Variants in KCNIP1 observed in about 807,000 individuals in gnomAD.
KCNIP1 encodes the protein potassium voltage-gated channel interacting protein 1, also known as A-type potassium channel modulatory protein KCNIP1.
KCNIP1 carries 18 observed loss-of-function variants against 33.0 expected under a neutral mutation model. The observed-to-expected ratio is 0.55, with a 90% CI of 0.38 to 0.81. KCNIP1 has a LOEUF of 0.81. Among genes scored for constraint, KCNIP1 ranks in the 30% least tolerant of loss-of-function variants. The pLI is 0.00. For synonymous variants in KCNIP1, 93 were observed against 98.3 expected (o/e 0.95, Z 0.32); for missense variants, 238 against 271.6 (o/e 0.88, Z 0.87).
chr5:170,643,971 G>A (rs1307437216), intron 1 of KCNIP1, among the ~76,000 whole-genome samples: 1 of 152,192 alleles, frequency 6.6e-6, no homozygotes, highest in Non-Finnish European at 1.5e-5. Context: ...TGCTCACTGG[G>A]TGGGTCACTG....
chr5:170,525,037 G>A (rs1755516969), intron 1 of KCNIP1, among the ~76,000 whole-genome samples: 1 of 152,232 alleles, frequency 6.6e-6, no homozygotes, highest in Admixed American at 6.5e-5. Flanking sequence ...GGGGACTTCT[G>A]CACAAGGCCG....
chr5:170,583,529 C>T (rs1317762516), intron 1 of KCNIP1, among the ~76,000 whole-genome samples: 2 of 152,146 alleles, frequency 1.3e-5, no homozygotes, highest in South Asian at 2.1e-4. Flanking sequence ...TCTCTCCTTC[C>T]TCTCCCCTCC....
chr5:170,552,349 A>G (rs1756677350), intron 1 of KCNIP1, among the ~76,000 whole-genome samples: 1 of 152,346 alleles, frequency 6.6e-6, no homozygotes, highest in African/African-American at 2.4e-5. Flanking sequence ...CATGGAATTC[A>G]TGATCCGCTG....
chr5:170,393,279 GT>G (rs1561603116), intron 1 of KCNIP1, among the ~76,000 whole-genome samples: 1 of 152,174 alleles, frequency 6.6e-6, no homozygotes, highest in Non-Finnish European at 1.5e-5. Context: ...GCACCTGCTT[GT>G]TTATTTAAGT....
chr5:170,473,996 A>T lies in KCNIP1; in HGVS notation c.88+120032A>T, dbSNP rs1561641984. Among the ~76,000 whole-genome samples, 5 of 152,204 alleles carry T rather than the reference A, an allele frequency of 3.3e-5. No individual in the cohort carries two copies. The South Asian group carries it at 1.0e-3, about 31-fold the overall frequency. ...GCGTCAGGACACACCACTCCAAAAT[A>T]TGACTGTAGGCGACCAGGAATCTGC... On this transcript the variant is annotated intron_variant, in intron 1 of 7. Coordinates refer to the KCNIP1 transcript ENST00000377360.
chr5:170,605,901 T>C (rs543521191), intron 1 of KCNIP1, among the ~76,000 whole-genome samples: 3 of 151,334 alleles, frequency 2.0e-5, no homozygotes, highest in Non-Finnish European at 2.9e-5. Flanking sequence ...CAGCCTCCCA[T>C]GTAGCTGGGA....
chr5:170,434,415 G>C (rs1353072427), intron 1 of KCNIP1, among the ~76,000 whole-genome samples: 3 of 152,148 alleles, frequency 2.0e-5, no homozygotes, highest in Admixed American at 2.0e-4. Context: ...GGCCTCCTGG[G>C]GTGTTTGCTT....
intron 1 of KCNIP1, among the ~76,000 whole-genome samples, chr5:170,388,023 C>A (rs1409588335): frequency 6.7e-6 from 1 of 149,524 alleles, no homozygotes; most frequent in Non-Finnish European, 1.5e-5. Flanking sequence ...AATCAGCCCC[C>A]CCCAGCGCCC....
At chr5:170,487,370 A>T (rs1757119089) in intron 1 of KCNIP1, among the ~76,000 whole-genome samples, 1 of 152,166 alleles carries the variant, frequency 6.6e-6, no homozygotes. Context: ...GTTTGACCAA[A>T]CAACTGGGTA....
At chr5:170,408,849 T>C (rs1755106590) in intron 1 of KCNIP1, among the ~76,000 whole-genome samples, 1 of 151,996 alleles carries the variant, frequency 6.6e-6, no homozygotes, top group Non-Finnish European at 1.5e-5. Flanking sequence ...GGTGGGTCTT[T>C]TTGCGTGGGT....
chr5:170,409,045 CG>C (rs1258198569), intron 1 of KCNIP1, among the ~76,000 whole-genome samples: 2 of 152,116 alleles, frequency 1.3e-5, no homozygotes, highest in Non-Finnish European at 2.9e-5. Flanking sequence ...AGGGGCAGTA[CG>C]GGGAGAGGCT....
intron 1 of KCNIP1, among the ~76,000 whole-genome samples, chr5:170,415,647 C>T (rs1755307882): frequency 6.6e-6 from 1 of 152,198 alleles, no homozygotes; most frequent in Non-Finnish European, 1.5e-5. Flanking sequence ...ACCCTCCAGG[C>T]TCATGTCTCC....
At chr5:170,689,921 A>AT (rs1274745880) in intron 1 of KCNIP1, among the ~76,000 whole-genome samples, 1 of 152,168 alleles carries the variant, frequency 6.6e-6, no homozygotes, top group African/African-American at 2.4e-5. Context: ...CCCCCCTCTT[A>AT]TTAAACATTT....
At chr5:170,562,406 G>A (rs1757065154) in intron 1 of KCNIP1, among the ~76,000 whole-genome samples, 1 of 152,196 alleles carries the variant, frequency 6.6e-6, no homozygotes, top group Non-Finnish European at 1.5e-5. Flanking sequence ...AGCTCTGTGA[G>A]GGCAAGGGCC....
intron 1 of KCNIP1, among the ~76,000 whole-genome samples, chr5:170,527,012 C>G (rs918441387): frequency 6.6e-6 from 1 of 152,154 alleles, no homozygotes; most frequent in African/African-American, 2.4e-5. Flanking sequence ...TGTGAGCCAC[C>G]GCACCCGGCC....
chr5:170,552,474 G>A (rs989026921), intron 1 of KCNIP1, among the ~76,000 whole-genome samples: 4 of 152,308 alleles, frequency 2.6e-5, no homozygotes, highest in South Asian at 2.1e-4. Context: ...GGAGGGGAGT[G>A]TGGAGGAGTG....
At chr5:170,531,755 G>A (rs1755798032) in intron 1 of KCNIP1, among the ~76,000 whole-genome samples, 1 of 152,136 alleles carries the variant, frequency 6.6e-6, no homozygotes, top group South Asian at 2.1e-4. Context: ...CTGACAATGG[G>A]GGAGCCACTG....
At chr5:170,506,268 G>A (rs1375763175) in intron 1 of KCNIP1, among the ~76,000 whole-genome samples, 1 of 152,086 alleles carries the variant, frequency 6.6e-6, no homozygotes, top group African/African-American at 2.4e-5. Flanking sequence ...TGGGACCTTA[G>A]GAAAGTCCCC....
At chr5:170,389,998 G>A (rs2113358955) in intron 1 of KCNIP1, among the ~76,000 whole-genome samples, 1 of 152,262 alleles carries the variant, frequency 6.6e-6, no homozygotes, top group Non-Finnish European at 1.5e-5. Flanking sequence ...ACTTTTTAAG[G>A]ACCAACTGAG....
Sources: gnomAD v4.1 joint callset for allele counts (sites outside exome capture counted in the v4.1 genomes callset) on GRCh38, gnomAD v4.1.1 for gene constraint, MANE v1.5 for transcripts, NCBI Gene and HGNC (gene_info 2026-07-23, HGNC 2026-07-21) for gene names.